The following OR1L8 variants were observed in gnomAD, a reference collection of about 807,000 sequenced individuals.
OR1L8 encodes the protein olfactory receptor 1L8.
For missense variants in OR1L8, 330 were observed against 377.4 expected (o/e 0.87, Z 1.04); for synonymous variants, 148 against 147.0 (o/e 1.01, Z -0.05).
At chr9:122,563,328 G>A (rs1829381642), downstream of OR1L8, among the ~76,000 whole-genome samples, 1 of 151,966 alleles carries the variant, frequency 6.6e-6, no homozygotes, top group African/African-American at 2.4e-5. Flanking sequence ...ATATTTCATT[G>A]TGATTTTGAT....
chr9:122,555,637 T>C, the OR1L8 span, among the ~76,000 whole-genome samples: 1 of 152,232 alleles, frequency 6.6e-6, no homozygotes, highest in African/African-American at 2.4e-5. Context: ...AATTGGCTCA[T>C]GCAGTTGTAG....
chr9:122,575,304 A>T (rs1338244261), intron 3 of OR1L8, among the ~76,000 whole-genome samples: 3 of 152,144 alleles, frequency 2.0e-5, no homozygotes, highest in Non-Finnish European at 2.9e-5. Flanking sequence ...TTCACCAGTG[A>T]ACCCATCTGG....
At chr9:122,559,721 TG>T in the OR1L8 span, among the ~76,000 whole-genome samples, 1 of 152,210 alleles carries the variant, frequency 6.6e-6, no homozygotes, top group Non-Finnish European at 1.5e-5. Flanking sequence ...TTGCATTTGC[TG>T]GGGAGTTTTT....
intron 4 of OR1L8, among the ~76,000 whole-genome samples, chr9:122,569,293 T>A (rs890205247): frequency 2.0e-5 from 3 of 152,178 alleles, no homozygotes; most frequent in African/African-American, 7.2e-5. Context: ...GCACCCATTG[T>A]TAAGTGTTAA....
chr9:122,568,273 GAGAC>G lies in OR1L8; in HGVS notation c.201_204del (p.Thr70IlefsTer13), dbSNP rs777802036. ...CTTGTTGTAAAGCAAATATCAGTGA[GAGAC>G]AGAAAACTCAAGAAGAAATACATAG... On this transcript the variant is annotated frameshift_variant, in exon 5 of 5. Coordinates refer to ENST00000641027, the MANE Select transcript of OR1L8 (RefSeq NM_001004454.2). LOFTEE classifies it low-confidence loss of function (END_TRUNC). The G allele has an allele frequency of 5.6e-6, 9 of 1,613,978 alleles. No individual in the cohort carries two copies. Among genetic ancestry groups the G allele is most frequent in the Non-Finnish European group, 7.6e-6 (9 of 1,179,958 alleles).
chr9:122,580,105 G>A (rs1005920689), intron 1 of OR1L8, among the ~76,000 whole-genome samples: 2 of 151,920 alleles, frequency 1.3e-5, no homozygotes, highest in African/African-American at 4.8e-5. Flanking sequence ...TTCAGCTGCC[G>A]CTCCTAAAGC....
chr9:122,566,406 C>T (rs940798098), downstream of OR1L8, among the ~76,000 whole-genome samples: 6 of 152,174 alleles, frequency 3.9e-5, no homozygotes, highest in Non-Finnish European at 7.3e-5. Context: ...TCCATTCTTA[C>T]CCCAGTGGCT....
chr9:122,553,682 T>A, the OR1L8 span: 1 of 1,614,114 alleles, frequency 6.2e-7, no homozygotes, highest in South Asian at 1.1e-5. Flanking sequence ...TAACCAACTG[T>A]CCTGCCCTGA....
intron 2 of OR1L8, among the ~76,000 whole-genome samples, chr9:122,577,711 G>T (rs1207154953): frequency 1.3e-5 from 2 of 152,184 alleles, no homozygotes; most frequent in African/African-American, 2.4e-5. Context: ...TAACTCTGTA[G>T]AGAATTTGAC....
At chr9:122,548,589 T>TTATATATATATATATATATA in the OR1L8 span, among the ~76,000 whole-genome samples, 26 of 151,276 alleles carry the variant, frequency 1.7e-4, no homozygotes, top group South Asian at 6.3e-4. Flanking sequence ...TTTAAAATTT[T>TTATATATATATATATATATA]TATATATATA....
chr9:122,559,831 G>A, the OR1L8 span, among the ~76,000 whole-genome samples: 37,148 of 151,954 alleles, frequency 0.24, 4,894 homozygotes, highest in Middle Eastern at 0.34. Context: ...GAGTTCTGTC[G>A]ACGTTTATTA....
chr9:122,569,615 C>T (rs1564200782), intron 4 of OR1L8, among the ~76,000 whole-genome samples: 1 of 87,172 alleles, frequency 1.1e-5, no homozygotes, highest in Non-Finnish European at 2.3e-5. Flanking sequence ...CATAAAATCT[C>T]TACAGTGAAC....
chr9:122,579,322 A>G (rs1378748716), intron 1 of OR1L8, among the ~76,000 whole-genome samples: 1 of 152,122 alleles, frequency 6.6e-6, no homozygotes, highest in African/African-American at 2.4e-5. Context: ...ATTTGAATAC[A>G]TTGTAATTGA....
At chr9:122,559,383 A>G in the OR1L8 span, among the ~76,000 whole-genome samples, 2 of 151,974 alleles carry the variant, frequency 1.3e-5, no homozygotes, top group African/African-American at 4.8e-5. Context: ...TATGTGTGCC[A>G]TAGTGGTTTG....
chr9:122,580,293 T>TCTAA (rs1471896343), intron 1 of OR1L8, among the ~76,000 whole-genome samples: 1 of 152,090 alleles, frequency 6.6e-6, no homozygotes, highest in Admixed American at 6.6e-5. Context: ...TATTGAGGAC[T>TCTAA]CTAACTGTAA....
intron 4 of OR1L8, among the ~76,000 whole-genome samples, chr9:122,570,942 G>A (rs994571441): frequency 6.6e-6 from 1 of 152,200 alleles, no homozygotes; most frequent in Non-Finnish European, 1.5e-5. Context: ...GAGGCTTAGA[G>A]AGGTGAAGTG....
the OR1L8 span, among the ~76,000 whole-genome samples, chr9:122,552,749 A>AGTGTGT: frequency 0.068 from 8,753 of 129,422 alleles, 383 homozygotes; most frequent in East Asian, 0.1. Context: ...AGAGGGCTTG[A>AGTGTGT]GTGTGTGTGT....
the OR1L8 span, chr9:122,553,929 G>C: frequency 7.4e-6 from 12 of 1,613,902 alleles, no homozygotes; most frequent in Middle Eastern, 1.6e-4. Flanking sequence ...GAGATGGAAG[G>C]CCTTCTCTAC....
the OR1L8 span, among the ~76,000 whole-genome samples, chr9:122,552,793 TG>T: frequency 6.9e-6 from 1 of 144,348 alleles, no homozygotes; most frequent in Non-Finnish European, 1.5e-5. Flanking sequence ...TGTGTGTGTG[TG>T]TGTTGGAGGA....
Sources: allele counts gnomAD v4.1 joint callset (sites outside exome capture counted in the v4.1 genomes callset), GRCh38; gene constraint gnomAD v4.1.1; transcripts MANE v1.5; gene names NCBI Gene and HGNC (gene_info 2026-07-23, HGNC 2026-07-21).